FBN2: variants seen among roughly 807,000 people sequenced by gnomAD.
FBN2 encodes the protein fibrillin 2, also known as fibrillin-2.
In FBN2, 105 loss-of-function variants were observed where a neutral mutation model predicts 355.6. The observed-to-expected ratio is 0.30, with a 90% CI of 0.25 to 0.35. FBN2 has a LOEUF of 0.35. Among genes scored for constraint, FBN2 ranks in the 10% least tolerant of loss-of-function variants. The pLI is 1.00. For synonymous variants in FBN2, 1,350 were observed against 1,301.2 expected (o/e 1.04, Z -0.81); for missense variants, 3,280 against 3,758.7 (o/e 0.87, Z 3.33).
In FBN2 at chr5:128,369,272, G is replaced by A; in HGVS notation, c.2158C>T (p.Pro720Ser). ...CATTCGGACTTGGTCACTGCACCGG[G>A]GAAAGGACGCACACACACTCCTTTC... Reference protein sequence around the residue: ...IKKGVCVRPFPGAVTKSECCC... With the variant: ...IKKGVCVRPFSGAVTKSECCC... Residue 720 changes from proline to serine, a missense_variant, in exon 16 of 65, where the codon CCC (proline) becomes TCC (serine). Around this residue, in one of 6 missense-constraint regions of FBN2, gnomAD observed 2,284 missense variants for 2,749.5 expected, o/e 0.83. Transcript: ENST00000262464. 6.2e-7 allele frequency: 1 copy of A among 1,614,000 alleles called. No individual in the cohort carries two copies. Among genetic ancestry groups the A allele is most frequent in the Non-Finnish European group, 8.5e-7 (1 of 1,179,956 alleles).
intron 62 of FBN2, among the ~76,000 whole-genome samples, chr5:128,268,614 C>T (rs1408580204): frequency 3.3e-5 from 5 of 152,090 alleles, no homozygotes; most frequent in East Asian, 1.9e-4. Flanking sequence ...AACATCGATG[C>T]GAAAATCCTC....
intron 42 of FBN2, among the ~76,000 whole-genome samples, chr5:128,306,287 T>C (rs1279916708): frequency 1.3e-5 from 2 of 152,224 alleles, no homozygotes; most frequent in African/African-American, 2.4e-5. Context: ...TCATTGTATG[T>C]ATTTTATTTT....
At chr5:128,449,761 A>G (rs973715722) in intron 6 of FBN2, among the ~76,000 whole-genome samples, 31 of 151,974 alleles carry the variant, frequency 2.0e-4, no homozygotes, top group African/African-American at 7.2e-4. Context: ...TCTGATTGTC[A>G]GATTTTTAAA....
intron 64 of FBN2, 86 bp from the exon 65 acceptor site, chr5:128,259,915 T>A (rs1764923819): frequency 4.9e-6 from 7 of 1,428,464 alleles, no homozygotes; most frequent in African/African-American, 1.4e-5. Context: ...GGGGCTTTGG[T>A]CACGAGGACA....
At chr5:128,303,243 G>A (rs909992118) in intron 45 of FBN2, among the ~76,000 whole-genome samples, 154 bp from the exon 46 acceptor site, 11 of 152,004 alleles carry the variant, frequency 7.2e-5, no homozygotes, top group African/African-American at 2.2e-4. Flanking sequence ...TAAGAGATAC[G>A]GAAAAATCAA....
intron 55 of FBN2, among the ~76,000 whole-genome samples, chr5:128,284,033 G>A (rs778640483): frequency 6.6e-6 from 1 of 151,990 alleles, no homozygotes; most frequent in Non-Finnish European, 1.5e-5. Context: ...CTCTCGTCTG[G>A]ATGTTTAAGA....
chr5:128,388,076 A>C (rs1752414201), intron 11 of FBN2, among the ~76,000 whole-genome samples: 1 of 152,170 alleles, frequency 6.6e-6, no homozygotes, highest in Non-Finnish European at 1.5e-5. Context: ...TGTTGCACTG[A>C]ACCTTTATTA....
At chr5:128,529,222 T>C (rs777072208) in intron 3 of FBN2, among the ~76,000 whole-genome samples, 2 of 151,964 alleles carry the variant, frequency 1.3e-5, no homozygotes, top group African/African-American at 4.8e-5. Flanking sequence ...TATCAACAGA[T>C]TGGTAGTCAT....
chr5:128,522,909 A>G (rs1359859674), intron 4 of FBN2, among the ~76,000 whole-genome samples: 2 of 152,198 alleles, frequency 1.3e-5, no homozygotes, highest in Non-Finnish European at 2.9e-5. Context: ...CAAGAGAGCA[A>G]AAGATGTACT....
chr5:128,393,232 T>A lies in FBN2; in HGVS notation c.1368A>T (p.Thr456=). The A allele has an allele frequency of 1.2e-6, 2 of 1,614,178 alleles. No homozygotes were observed. The highest frequency in any genetic ancestry group is 1.7e-6 in the Non-Finnish European group (2 of 1,180,018). Residue 456 remains threonine (T), a synonymous_variant, in exon 10 of 65, where the codon ACA becomes ACT. Coordinates refer to ENST00000262464, the MANE Select transcript of FBN2 (RefSeq NM_001999.4). The part of the protein sequence containing the change: ...GNGNGYGPGG[T]GFIPIPGGNG... ...TGCCTCCAGGGATGGGGATGAAGCCTGTCCCTCCTGGGCCATAGCCATTGC... is the reference window on the plus strand; with the variant it reads ...TGCCTCCAGGGATGGGGATGAAGCCAGTCCCTCCTGGGCCATAGCCATTGC...
intron 5 of FBN2, among the ~76,000 whole-genome samples, chr5:128,507,311 C>G (rs1755989061): frequency 6.6e-6 from 1 of 151,944 alleles, no homozygotes; most frequent in Non-Finnish European, 1.5e-5. Context: ...GGAACTGGTT[C>G]CAGGATGCCC....
intron 36 of FBN2, among the ~76,000 whole-genome samples, chr5:128,315,855 GT>G (rs1750186971): frequency 6.6e-6 from 1 of 152,172 alleles, no homozygotes; most frequent in Non-Finnish European, 1.5e-5. Context: ...GAAATACACT[GT>G]CCTTTCACTT....
At chr5:128,401,965 A>G (rs552014747) in intron 8 of FBN2, among the ~76,000 whole-genome samples, 1 of 152,272 alleles carries the variant, frequency 6.6e-6, no homozygotes, top group African/African-American at 2.4e-5. Flanking sequence ...TCTAGTAACA[A>G]AAAGGAGGCA....
chr5:128,525,801 T>A (rs972822427), intron 4 of FBN2, among the ~76,000 whole-genome samples: 4 of 152,168 alleles, frequency 2.6e-5, no homozygotes, highest in African/African-American at 9.7e-5. Context: ...TTGACACTTT[T>A]AAGTAGTTGA....
intron 7 of FBN2, chr5:128,446,009 A>C (rs1754055267): frequency 6.4e-6 from 1 of 155,174 alleles, no homozygotes; most frequent in Non-Finnish European, 1.4e-5. Flanking sequence ...TTCCTGAATC[A>C]ATAATCCATT....
chr5:128,477,932 A>G (rs1197342841), intron 5 of FBN2, among the ~76,000 whole-genome samples: 2 of 152,190 alleles, frequency 1.3e-5, no homozygotes, highest in African/African-American at 4.8e-5. Flanking sequence ...CAGTTGATAA[A>G]TTAGCCTGGT....
At position 128,438,280 on chromosome 5, in the gene FBN2, G is replaced by A. The variant is rs9327477; in HGVS notation, c.952+8201C>T. On this transcript the variant is annotated intron_variant, in intron 7 of 64. Transcript: ENST00000262464. ...AGTGCTGGGATTACATGTGTGTGCC[G>A]CCGTGCCCGGCTACATTCACCCATT... Among the ~76,000 whole-genome samples the A allele has an allele frequency of 3.3e-3, 495 of 152,302 alleles. 4 individuals are homozygous for A. The highest frequency in any genetic ancestry group is 0.011 in the African/African-American group (474 of 41,576).
At chr5:128,320,915 A>T (rs2126876349) in intron 34 of FBN2, among the ~76,000 whole-genome samples, 1 of 152,348 alleles carries the variant, frequency 6.6e-6, no homozygotes, top group East Asian at 1.9e-4. Flanking sequence ...AAATTATAAG[A>T]AAATTAGCAC....
chr5:128,310,392 ATATATATATATTTTTTTTTT>A (rs1251359813), intron 39 of FBN2, among the ~76,000 whole-genome samples: 4,563 of 29,758 alleles, frequency 0.15, 281 homozygotes, highest in African/African-American at 0.33. Flanking sequence ...ATATATATAT[ATATATATATATTTTTTTTTT>A]TTTTTTTTTA....
Sources: allele counts gnomAD v4.1 joint callset (sites outside exome capture counted in the v4.1 genomes callset), GRCh38; gene constraint gnomAD v4.1.1; regional missense constraint gnomAD v4.1.1; transcripts MANE v1.5; gene names NCBI Gene and HGNC (gene_info 2026-07-23, HGNC 2026-07-21).